Variants in CSGALNACT1 observed in about 807,000 individuals in gnomAD.
CSGALNACT1 encodes beta4GalNAcT-1.
In CSGALNACT1, 52 loss-of-function variants were observed where a neutral mutation model predicts 51.0. The observed-to-expected ratio is 1.02, with a 90% CI of 0.82 to 1.29. The LOEUF (loss-of-function observed/expected upper bound fraction) is 1.29, where lower values mean the gene tolerates loss of function less well. Among genes scored for constraint, CSGALNACT1 ranks in the 50% most tolerant of loss-of-function variants. The pLI is 0.00. For synonymous variants in CSGALNACT1, 341 were observed against 254.4 expected (o/e 1.34, Z -3.24); for missense variants, 935 against 679.2 (o/e 1.38, Z -4.19).
At chr8:19,535,170 G>C (rs1007069389) in intron 3 of CSGALNACT1, among the ~76,000 whole-genome samples, 1 of 151,986 alleles carries the variant, frequency 6.6e-6, no homozygotes, top group Non-Finnish European at 1.5e-5. Flanking sequence ...CCCTGTGCCT[G>C]CTACTGACAT....
At chr8:19,674,765 T>C (rs2060048575) in intron 1 of CSGALNACT1, among the ~76,000 whole-genome samples, 1 of 152,122 alleles carries the variant, frequency 6.6e-6, no homozygotes, top group Non-Finnish European at 1.5e-5. Context: ...GAGGCAGTGA[T>C]GGCTCTGTAT....
Position 19,408,615 on chromosome 8 carries a change from A to G in CSGALNACT1, c.1307T>C (p.Ile436Thr), listed in dbSNP as rs775708188. ...GTAGAGATGCAGATTTGTCCTACCT[A>G]TATTGATGAAGTCTGACCGATACTG... is the stretch of plus-strand genomic sequence containing the variant. Residue 436 changes from isoleucine (I) to threonine (T), a missense_variant and splice_region_variant, in exon 9 of 10, where the codon ATA (isoleucine) becomes ACA (threonine). Transcript: ENST00000454498. The G allele has an allele frequency of 5.6e-6, 9 of 1,612,698 alleles. No individual in the cohort carries two copies. The African/African-American group carries it at 1.1e-4, about 19-fold the overall frequency.
chr8:19,495,802 C>A (rs886236263), intron 4 of CSGALNACT1, among the ~76,000 whole-genome samples: 1 of 152,144 alleles, frequency 6.6e-6, no homozygotes, highest in Non-Finnish European at 1.5e-5. Context: ...AAGAGAGAAG[C>A]GGGGGACACT....
In CSGALNACT1 at chr8:19,757,624, G is replaced by A. The variant is rs772149579; in HGVS notation, c.-297+226C>T. Among the ~76,000 whole-genome samples, 16 of 152,132 alleles carry A rather than the reference G, an allele frequency of 1.1e-4. No homozygotes were observed. The highest frequency in any genetic ancestry group is 1.6e-4 in the Non-Finnish European group (11 of 67,996). ...AGACTAGGACACTGTGGCGTGGCCC[G>A]AGTTGCAGGAGAGAGGTGTCCAATC... On this transcript the variant is annotated intron_variant, in intron 1 of 1. Coordinates refer to the CSGALNACT1 transcript ENST00000517494. The surrounding 1 kb of genome is among the most constrained non-coding windows in gnomAD (Gnocchi z 4.0).
intron 1 of CSGALNACT1, among the ~76,000 whole-genome samples, chr8:19,736,665 A>T (rs1393310105): frequency 6.6e-6 from 1 of 152,156 alleles, no homozygotes; most frequent in Non-Finnish European, 1.5e-5. Context: ...GGACATGGTT[A>T]AAAAGAGAAT....
At chr8:19,737,996 T>C (rs545567658) in intron 1 of CSGALNACT1, among the ~76,000 whole-genome samples, 1 of 152,320 alleles carries the variant, frequency 6.6e-6, no homozygotes, top group Non-Finnish European at 1.5e-5. Context: ...ATGAATGTAT[T>C]TATTACCAAT....
chr8:19,424,526 C>G (rs539435863), intron 6 of CSGALNACT1, among the ~76,000 whole-genome samples: 3 of 152,292 alleles, frequency 2.0e-5, no homozygotes, highest in African/African-American at 7.2e-5. Flanking sequence ...AACTTCCTGT[C>G]TTTGCCAAAC....
intron 1 of CSGALNACT1, among the ~76,000 whole-genome samples, chr8:19,676,795 G>C (rs1227494442): frequency 1.3e-5 from 2 of 152,194 alleles, no homozygotes; most frequent in Non-Finnish European, 2.9e-5. Flanking sequence ...GACAGGATTG[G>C]AAGGATCTTT....
chr8:19,675,000 G>C (rs531457695), intron 1 of CSGALNACT1, among the ~76,000 whole-genome samples: 2 of 152,164 alleles, frequency 1.3e-5, no homozygotes, highest in Non-Finnish European at 2.9e-5. Context: ...GAGACTCAAA[G>C]TTGAGATGCT....
intron 1 of CSGALNACT1, among the ~76,000 whole-genome samples, chr8:19,750,175 T>A (rs1464332725): frequency 6.6e-6 from 1 of 152,206 alleles, no homozygotes; most frequent in Non-Finnish European, 1.5e-5. Context: ...CCCTTACCCC[T>A]TGTACCCAAA....
intron 1 of CSGALNACT1, among the ~76,000 whole-genome samples, chr8:19,645,161 G>A (rs992077508): frequency 3.9e-5 from 6 of 152,128 alleles, no homozygotes; most frequent in South Asian, 4.1e-4. Context: ...GCAGGAGGCC[G>A]GGCAACAGGA....
intron 1 of CSGALNACT1, among the ~76,000 whole-genome samples, chr8:19,648,659 T>G (rs759513019): frequency 5.9e-5 from 9 of 151,922 alleles, no homozygotes; most frequent in Non-Finnish European, 1.2e-4. Context: ...AGTACTAAAA[T>G]TAGCTGGGCA....
chr8:19,512,911 T>C (rs1191819070), intron 3 of CSGALNACT1, among the ~76,000 whole-genome samples: 2 of 152,172 alleles, frequency 1.3e-5, no homozygotes, highest in Non-Finnish European at 2.9e-5. Flanking sequence ...TAGAAGTAGC[T>C]GACTATTACA....
chr8:19,609,903 C>T lies in CSGALNACT1; in HGVS notation c.-543-8038G>A, dbSNP rs144447821. On this transcript the variant is annotated intron_variant, in intron 1 of 9. Transcript: ENST00000332246. ...ATGATACGGAAAGGACGTGCTGGGA[C>T]GGGAGGAGCATGGTCCTTTTAAATA... Among the ~76,000 whole-genome samples the T allele has an allele frequency of 8.4e-4, 127 of 152,004 alleles. 1 individual carries two copies. The East Asian group carries it at 0.021, about 25-fold the overall frequency.
intron 1 of CSGALNACT1, among the ~76,000 whole-genome samples, chr8:19,701,710 A>G (rs1458715251): frequency 6.6e-6 from 1 of 152,202 alleles, no homozygotes; most frequent in Non-Finnish European, 1.5e-5. Flanking sequence ...GTTAATATCT[A>G]TGCAGCGCAT....
At chr8:19,598,592 A>G (rs921019952) in intron 2 of CSGALNACT1, among the ~76,000 whole-genome samples, 2 of 152,144 alleles carry the variant, frequency 1.3e-5, no homozygotes, top group Admixed American at 1.3e-4. Flanking sequence ...GTCAGCTACT[A>G]TTTTATGTTA....
Position 19,439,978 on chromosome 8 carries a change from C to A in CSGALNACT1, c.852-47G>T, listed in dbSNP as rs1482098037. ...TGTCTGGCACCTGTTTTCACACTGA[C>A]AGGCACAGCACAAACCAATACCTTT... On this transcript the variant is annotated intron_variant, in intron 5 of 9. Coordinates refer to ENST00000454498, the Ensembl canonical transcript of CSGALNACT1. The A allele has an allele frequency of 2.7e-6, 4 of 1,467,448 alleles. No individual in the cohort carries two copies. In the South Asian group the frequency reaches 4.5e-5, roughly 17 times the overall value. The allele number at this position is 1,467,448 out of a possible 1,614,324, so 90.9% of individuals were successfully genotyped here.
intron 4 of CSGALNACT1, among the ~76,000 whole-genome samples, chr8:19,485,353 G>C (rs930136321): frequency 6.6e-6 from 1 of 151,858 alleles, no homozygotes; most frequent in African/African-American, 2.4e-5. Flanking sequence ...TCCAGATTCC[G>C]ACTAGGCACT....
intron 4 of CSGALNACT1, among the ~76,000 whole-genome samples, chr8:19,464,642 C>T (rs116359935): frequency 6.9e-4 from 105 of 152,160 alleles, no homozygotes; most frequent in African/African-American, 2.3e-3. Context: ...CTGAGCTCTG[C>T]CTGCTGTCAG....
Sources: gnomAD v4.1 joint callset for allele counts (sites outside exome capture counted in the v4.1 genomes callset) on GRCh38, gnomAD v4.1.1 for gene constraint, Gnocchi (gnomAD v3.1) non-coding constraint, MANE v1.5 for transcripts, NCBI Gene and HGNC (gene_info 2026-07-23, HGNC 2026-07-21) for gene names.